GRAPL: variants seen among roughly 807,000 people sequenced by gnomAD.
GRAPL encodes the protein GRB2 related adaptor protein like.
intron 3 of GRAPL, chr17:19,144,056 G>A (rs1240129913): frequency 8.2e-5 from 6 of 72,796 alleles, no homozygotes; most frequent in Non-Finnish European, 1.4e-4. Context: ...CTTGACTCTG[G>A]TTCCTGTCTG....
chr17:19,144,367 G>A (rs2044686207), intron 3 of GRAPL, among the ~76,000 whole-genome samples: 1 of 130,902 alleles, frequency 7.6e-6, no homozygotes, highest in Admixed American at 8.1e-5. Context: ...CATTAGGCCT[G>A]ACTTGGTCCT....
chr17:19,144,593 C>G (rs1439219431), intron 3 of GRAPL, among the ~76,000 whole-genome samples: 6 of 140,980 alleles, frequency 4.3e-5, no homozygotes, highest in African/African-American at 1.6e-4. Flanking sequence ...GCTCTCACAC[C>G]CCCGGCACTG....
At chr17:19,147,049 G>A (rs1446576670) in intron 3 of GRAPL, among the ~76,000 whole-genome samples, 2 of 125,626 alleles carry the variant, frequency 1.6e-5, no homozygotes, top group Non-Finnish European at 3.1e-5. Flanking sequence ...GTGTGTGTGT[G>A]TGCGCGCGCG....
intron 3 of GRAPL, among the ~76,000 whole-genome samples, chr17:19,149,109 C>T (rs891005097): frequency 5.7e-5 from 6 of 105,886 alleles, no homozygotes; most frequent in Non-Finnish European, 9.2e-5. Context: ...GAGGGTGGAT[C>T]ACAAGGTCAG....
In GRAPL at chr17:19,144,742, G is replaced by A. The variant is rs1380730338; in HGVS notation, c.299+6154G>A. Among the ~76,000 whole-genome samples, 762 of 103,722 alleles carry A rather than the reference G, an allele frequency of 7.3e-3. 2 individuals are homozygous for A. Among genetic ancestry groups the A allele is most frequent in the African/African-American group, 0.028 (710 of 25,792 alleles). 68.0% of individuals were successfully genotyped at this position (103,722 alleles called of 152,430 possible). ...CTGGATCCAGCCCTCCCGGTTCCGG[G>A]GCCATCTGGACTCAGATTCAGTTCC... On this transcript the variant is annotated intron_variant, in intron 3 of 3. Coordinates refer to ENST00000344415, the MANE Select transcript of GRAPL (RefSeq NM_001129778.3).
chr17:19,141,657 A>ACCCCCCC (rs1302579703), intron 3 of GRAPL: 1 of 134,082 alleles, frequency 7.5e-6, no homozygotes, highest in South Asian at 3.1e-4. Flanking sequence ...CCGCGGGCTC[A>ACCCCCCC]CCCCCCACCC....
intron 3 of GRAPL, among the ~76,000 whole-genome samples, chr17:19,150,071 C>A (rs2044726094): frequency 1.0e-4 from 1 of 9,824 alleles, no homozygotes; most frequent in Non-Finnish European, 1.4e-4. Context: ...AAGACTCCGT[C>A]TCAAAAAAAA....
intron 3 of GRAPL, among the ~76,000 whole-genome samples, chr17:19,148,972 G>A (rs1422296943): frequency 7.6e-6 from 1 of 132,320 alleles, no homozygotes; most frequent in South Asian, 3.3e-4. Context: ...GGGCTAGAAG[G>A]TACTTGGGGC....
intron 3 of GRAPL, chr17:19,142,939 G>T (rs1567832950): frequency 1.2e-5 from 1 of 85,210 alleles, no homozygotes; most frequent in Non-Finnish European, 1.8e-5. Flanking sequence ...CACATGATAA[G>T]TGCCAGTTAT....
At chr17:19,149,040 A>T (rs2044716430) in intron 3 of GRAPL, among the ~76,000 whole-genome samples, 1 of 131,440 alleles carries the variant, frequency 7.6e-6, no homozygotes, top group African/African-American at 2.8e-5. Context: ...TGAGAGAGAA[A>T]AATCCGTGGC....
chr17:19,149,265 G>T (rs1319502936), intron 3 of GRAPL, among the ~76,000 whole-genome samples: 1 of 90,982 alleles, frequency 1.1e-5, no homozygotes, highest in Non-Finnish European at 1.8e-5. Flanking sequence ...GGAGGCAGAG[G>T]TTGCAGTGAG....
rs2386349 is a variant in GRAPL, at chr17:19,149,770, G to T, written c.300-8549G>T. 2.0e-5 allele frequency among the ~76,000 whole-genome samples: 2 copies of T among 101,508 alleles called. 1 individual carries two copies. The highest frequency in any genetic ancestry group is 0.04 in the East Asian group (2 of 50). 66.6% of individuals were successfully genotyped at this position (101,508 alleles called of 152,430 possible). On this transcript the variant is annotated intron_variant, in intron 3 of 3. Transcript: ENST00000344415. ...GGTGAGACTCTTTCTCAAAAGAAAA[G>T]AAAATGTTTTTGGCTGGGCACAGTG...
At chr17:19,144,237 AC>A (rs1179185925) in intron 3 of GRAPL, 2 of 268,808 alleles carry the variant, frequency 7.4e-6, no homozygotes, top group Non-Finnish European at 1.3e-5. Flanking sequence ...TCCTGCCCCC[AC>A]CCCAGCCTTG....
Position 19,148,903 on chromosome 17 carries a change from G to T in GRAPL, c.300-9416G>T, listed in dbSNP as rs1342057958. On this transcript the variant is annotated intron_variant, in intron 3 of 3. Transcript: ENST00000344415. The stretch of plus-strand genomic sequence containing the variant: ...AGCCTGGGTGACAGAGCGAGACCAC[G>T]CCTCAAAAAAAAAAAAAAAAAGAAA... Among the ~76,000 whole-genome samples the T allele has an allele frequency of 2.2e-4, 27 of 120,158 alleles. 2 individuals are homozygous for T. Among genetic ancestry groups the T allele is most frequent in the African/African-American group, 8.1e-4 (27 of 33,164 alleles). 78.8% of individuals were successfully genotyped at this position (120,158 alleles called of 152,430 possible). A position where few individuals can be genotyped will look rare whatever the true frequency, so the allele number is the denominator to read the frequency against.
intron 3 of GRAPL, among the ~76,000 whole-genome samples, chr17:19,149,186 C>T (rs1209048553): frequency 5.9e-5 from 6 of 101,970 alleles, no homozygotes; most frequent in East Asian, 5.8e-4. Context: ...AAAAATTAGC[C>T]GGGCGTGGTG....
At chr17:19,141,663 C>CT in intron 3 of GRAPL, 2 of 136,372 alleles carry the variant, frequency 1.5e-5, no homozygotes, top group Admixed American at 7.5e-5. Context: ...GCTCACCCCC[C>CT]ACCCCCCCAG....
intron 3 of GRAPL, among the ~76,000 whole-genome samples, chr17:19,144,542 C>T (rs1381318936): frequency 2.1e-5 from 3 of 143,352 alleles, no homozygotes; most frequent in African/African-American, 7.7e-5. Flanking sequence ...CACACACACA[C>T]ACAAGCATCC....
chr17:19,149,719 C>T (rs1334303195), intron 3 of GRAPL, among the ~76,000 whole-genome samples: 1 of 104,892 alleles, frequency 9.5e-6, no homozygotes. Context: ...TGAGATCACA[C>T]CATTGCACTC....
intron 3 of GRAPL, among the ~76,000 whole-genome samples, chr17:19,148,856 C>T (rs1434508052): frequency 8.9e-6 from 1 of 112,634 alleles, no homozygotes; most frequent in Non-Finnish European, 1.8e-5. Context: ...TGCAGTGAGC[C>T]GAGATAGCGC....
Sources: gnomAD v4.1 joint callset for allele counts (sites outside exome capture counted in the v4.1 genomes callset) on GRCh38, gnomAD v4.1.1 for gene constraint, MANE v1.5 for transcripts, NCBI Gene and HGNC (gene_info 2026-07-23, HGNC 2026-07-21) for gene names.